The following SPATA17 variants were observed in gnomAD, a reference collection of about 807,000 sequenced individuals.
The protein encoded by SPATA17 is spermatogenesis associated 17.
SPATA17 carries 53 observed loss-of-function variants against 62.2 expected under a neutral mutation model. The observed-to-expected ratio is 0.85, with a 90% confidence interval of 0.68 to 1.07. The LOEUF (loss-of-function observed/expected upper bound fraction) is 1.07, where lower values mean the gene tolerates loss of function less well. SPATA17 is among the 50% of genes least tolerant of loss of function. The pLI is 0.00. For missense variants in SPATA17, 466 were observed against 425.5 expected, an observed-to-expected ratio of 1.10 and a Z score of -0.84; for synonymous variants, 146 against 146.8, an observed-to-expected ratio of 0.99 and a Z score of 0.04.
intron 5 of SPATA17, among the ~76,000 whole-genome samples, chr1:217,729,144 A>T (rs1352259719): frequency 6.6e-6 from 1 of 152,226 alleles, no homozygotes. Flanking sequence ...GCCTACATGA[A>T]TTATTTCTCT....
intron 9 of SPATA17, among the ~76,000 whole-genome samples, chr1:217,806,194 C>A (rs1316112863): frequency 6.6e-6 from 1 of 152,196 alleles, no homozygotes; most frequent in Non-Finnish European, 1.5e-5. Context: ...TGAAAATAAT[C>A]CTTTTTGGTT....
At chr1:217,744,462 C>CAAAAAAAAA (rs766645844) in intron 6 of SPATA17, among the ~76,000 whole-genome samples, 1 of 30,610 alleles carries the variant, frequency 3.3e-5, no homozygotes, top group Non-Finnish European at 7.9e-5. Context: ...GACTCCGTCT[C>CAAAAAAAAA]AAAAAAAAAA....
chr1:217,831,453 A>G (rs758477251), intron 9 of SPATA17, among the ~76,000 whole-genome samples: 4 of 152,152 alleles, frequency 2.6e-5, no homozygotes, highest in African/African-American at 4.8e-5. Flanking sequence ...AAATTATGCC[A>G]AATACTAGGG....
intron 9 of SPATA17, among the ~76,000 whole-genome samples, chr1:217,851,680 T>G (rs959120878): frequency 6.6e-6 from 1 of 152,200 alleles, no homozygotes; most frequent in Non-Finnish European, 1.5e-5. Flanking sequence ...TTCTTGATTT[T>G]TATACCACAC....
chr1:217,735,506 G>A (rs1476079111), intron 5 of SPATA17, among the ~76,000 whole-genome samples: 2 of 152,160 alleles, frequency 1.3e-5, no homozygotes, highest in African/African-American at 4.8e-5. Flanking sequence ...TGTGAATTTG[G>A]GGGAACTCGA....
chr1:217,685,177 T>A (rs1481636188), intron 5 of SPATA17, among the ~76,000 whole-genome samples: 1 of 152,078 alleles, frequency 6.6e-6, no homozygotes, highest in Non-Finnish European at 1.5e-5. Context: ...AGGGAGGTGC[T>A]CACTCTCAGG....
At chr1:217,741,874 T>A (rs1441284635) in intron 5 of SPATA17, 101 bp from the exon 6 acceptor site, 1 of 1,279,556 alleles carries the variant, frequency 7.8e-7, no homozygotes, top group African/African-American at 1.5e-5. Context: ...TGGATGGATA[T>A]GGATGATGGT....
intron 9 of SPATA17, among the ~76,000 whole-genome samples, chr1:217,849,105 A>G (rs1675589988): frequency 6.6e-6 from 1 of 152,090 alleles, no homozygotes; most frequent in South Asian, 2.1e-4. Context: ...CATCATCTCA[A>G]CTTCATCTAA....
At chr1:217,739,381 T>G (rs557031883) in intron 5 of SPATA17, 1 of 152,330 alleles carries the variant, frequency 6.6e-6, no homozygotes, top group African/African-American at 2.4e-5. Flanking sequence ...ATTAACTTAT[T>G]TGTTAATCAC....
rs540406692 is a variant in SPATA17, at chr1:217,848,749, G to C, written c.1006-14025G>C. Among the ~76,000 whole-genome samples the C allele has an allele frequency of 8.6e-4, 131 of 152,052 alleles. 1 individual carries two copies. The highest frequency in any genetic ancestry group is 3.0e-3 in the African/African-American group (125 of 41,518). ...TTCTGCTTTGTGAAAAATTTTCTTTGCATTATTCCTTTCCTAATTCTTTTT... is the reference window on the plus strand; with the variant it reads ...TTCTGCTTTGTGAAAAATTTTCTTTCCATTATTCCTTTCCTAATTCTTTTT... On this transcript the variant is annotated intron_variant, in intron 9 of 10. Transcript: ENST00000366933.
At chr1:217,844,930 A>G (rs966914577) in intron 9 of SPATA17, among the ~76,000 whole-genome samples, 5 of 152,214 alleles carry the variant, frequency 3.3e-5, no homozygotes, top group Middle Eastern at 6.8e-3. Context: ...TTTTTATTCT[A>G]AAGTATGATG....
At chr1:217,632,706 T>C (rs1260501181) in intron 1 of SPATA17, among the ~76,000 whole-genome samples, 1 of 152,200 alleles carries the variant, frequency 6.6e-6, no homozygotes, top group Non-Finnish European at 1.5e-5. Flanking sequence ...CAATAATTGT[T>C]GAAGACTCAC....
At chr1:217,780,899 A>C (rs1438153722) in intron 7 of SPATA17, among the ~76,000 whole-genome samples, 1 of 152,142 alleles carries the variant, frequency 6.6e-6, no homozygotes, top group African/African-American at 2.4e-5. Context: ...TCATAAAACC[A>C]AATATTAATT....
intron 7 of SPATA17, among the ~76,000 whole-genome samples, chr1:217,776,786 C>T (rs1241844638): frequency 2.0e-5 from 3 of 151,938 alleles, no homozygotes; most frequent in Non-Finnish European, 2.9e-5. Flanking sequence ...GGTTCCCTCA[C>T]TCACATGGTT....
intron 6 of SPATA17, among the ~76,000 whole-genome samples, chr1:217,770,079 C>T (rs1673401211): frequency 6.6e-6 from 1 of 152,148 alleles, no homozygotes; most frequent in South Asian, 2.1e-4. Flanking sequence ...ATTCACAGTT[C>T]TTTGGCCACT....
chr1:217,741,909 C>T lies in SPATA17; in HGVS notation c.396-66C>T, dbSNP rs970202667. 3 of 1,588,374 alleles carry T rather than the reference C, an allele frequency of 1.9e-6. No homozygotes were observed. The African/African-American group carries it at 4.1e-5, about 22-fold the overall frequency. ...TTGCCCCTCAAAAAAACTGATTTAT[C>T]ATCAGTGAAAGAATTAAAATGTTAA... On this transcript the variant is annotated intron_variant, in intron 5 of 10. Coordinates refer to ENST00000366933, the MANE Select transcript of SPATA17 (RefSeq NM_138796.4).
At chr1:217,680,381 T>C (rs1315482725) in intron 4 of SPATA17, among the ~76,000 whole-genome samples, 2 of 152,354 alleles carry the variant, frequency 1.3e-5, no homozygotes, top group East Asian at 3.9e-4. Context: ...GTATGATTTA[T>C]ATTATGTATA....
chr1:217,819,415 A>G (rs1217706749), intron 9 of SPATA17, among the ~76,000 whole-genome samples: 1 of 151,498 alleles, frequency 6.6e-6, no homozygotes, highest in Non-Finnish European at 1.5e-5. Context: ...TCAAAGGTGC[A>G]TCTTTCTCTC....
chr1:217,861,643 T>C (rs1255571129), intron 9 of SPATA17, among the ~76,000 whole-genome samples: 2 of 152,182 alleles, frequency 1.3e-5, no homozygotes, highest in African/African-American at 4.8e-5. Flanking sequence ...ATATAGATGC[T>C]CAGCCCCACA....
Sources: gnomAD v4.1 joint callset for allele counts (sites outside exome capture counted in the v4.1 genomes callset) on GRCh38, gnomAD v4.1.1 for gene constraint, MANE v1.5 for transcripts, NCBI Gene and HGNC (gene_info 2026-07-23, HGNC 2026-07-21) for gene names.